Variants in KCND2 observed in about 807,000 individuals in gnomAD.
KCND2 encodes A-type voltage-gated potassium channel KCND2.
In KCND2, 16 loss-of-function variants were observed where a neutral mutation model predicts 54.4. The observed-to-expected ratio is 0.29, with a 90% CI of 0.20 to 0.45. The LOEUF (loss-of-function observed/expected upper bound fraction) is 0.45. KCND2 is among the 20% of genes least tolerant of loss of function. The pLI is 1.00. For synonymous variants in KCND2, 317 were observed against 310.7 expected (o/e 1.02, Z -0.21); for missense variants, 486 against 824.2 (o/e 0.59, Z 5.02).
At chr7:120,388,648 G>C (rs1334543173) in intron 1 of KCND2, among the ~76,000 whole-genome samples, 1 of 151,874 alleles carries the variant, frequency 6.6e-6, no homozygotes, top group Non-Finnish European at 1.5e-5. Flanking sequence ...ACCTCAATGA[G>C]GGTTCTGCAA....
intron 1 of KCND2, among the ~76,000 whole-genome samples, chr7:120,430,591 A>C (rs992737943): frequency 3.9e-5 from 6 of 152,190 alleles, no homozygotes; most frequent in Admixed American, 2.6e-4. Context: ...TCATGTTGAA[A>C]TCAACTTTTA....
At chr7:120,655,639 C>T (rs1244141143) in intron 1 of KCND2, among the ~76,000 whole-genome samples, 1 of 151,998 alleles carries the variant, frequency 6.6e-6, no homozygotes, top group African/African-American at 2.4e-5. Context: ...CAAAAATGTA[C>T]ATAAACCAAG....
chr7:120,467,501 G>T (rs1802388886), intron 1 of KCND2, among the ~76,000 whole-genome samples: 1 of 152,026 alleles, frequency 6.6e-6, no homozygotes, highest in South Asian at 2.1e-4. Context: ...AGCCTCTCAA[G>T]AAAATAAAGT....
chr7:120,686,600 A>G (rs536089223), intron 1 of KCND2, among the ~76,000 whole-genome samples: 12 of 152,250 alleles, frequency 7.9e-5, no homozygotes, highest in Non-Finnish European at 1.5e-4. Flanking sequence ...CGTGGAAGAG[A>G]GCAAAGTGGG....
intron 1 of KCND2, among the ~76,000 whole-genome samples, chr7:120,381,651 C>G (rs912935248): frequency 1.3e-5 from 2 of 151,846 alleles, no homozygotes; most frequent in Non-Finnish European, 1.5e-5. Context: ...GGGGAAGATT[C>G]GATTATCCTC....
chr7:120,500,904 T>G (rs1802922048), intron 1 of KCND2, among the ~76,000 whole-genome samples: 1 of 151,870 alleles, frequency 6.6e-6, no homozygotes, highest in African/African-American at 2.4e-5. Flanking sequence ...AATATTTACT[T>G]TTGATTCACT....
At chr7:120,463,678 A>G (rs1156734600) in intron 1 of KCND2, among the ~76,000 whole-genome samples, 1 of 152,086 alleles carries the variant, frequency 6.6e-6, no homozygotes, top group Admixed American at 6.6e-5. Context: ...GAAAGAAGCA[A>G]AGGAGGCATC....
chr7:120,596,019 G>A (rs1370814283), intron 1 of KCND2, among the ~76,000 whole-genome samples: 1 of 152,048 alleles, frequency 6.6e-6, no homozygotes, highest in Non-Finnish European at 1.5e-5. Context: ...TTGCCGTTTT[G>A]TTAGTGTTAA....
At chr7:120,419,073 T>C (rs1177852412) in intron 1 of KCND2, among the ~76,000 whole-genome samples, 2 of 152,144 alleles carry the variant, frequency 1.3e-5, no homozygotes, top group Non-Finnish European at 2.9e-5. Flanking sequence ...TTAAAATATA[T>C]ATATATAATT....
At chr7:120,613,743 G>T (rs1452315969) in intron 1 of KCND2, among the ~76,000 whole-genome samples, 1 of 152,076 alleles carries the variant, frequency 6.6e-6, no homozygotes, top group African/African-American at 2.4e-5. Flanking sequence ...TCATTTTCAG[G>T]AGTAGTCCTA....
chr7:120,592,592 A>G (rs899670751), intron 1 of KCND2, among the ~76,000 whole-genome samples: 1 of 152,188 alleles, frequency 6.6e-6, no homozygotes, highest in African/African-American at 2.4e-5. Context: ...TAATTATACA[A>G]TATTTGAAAA....
intron 1 of KCND2, among the ~76,000 whole-genome samples, chr7:120,532,934 C>T (rs1337999994): frequency 6.6e-6 from 1 of 151,938 alleles, no homozygotes; most frequent in African/African-American, 2.4e-5. Flanking sequence ...TATGTAAACA[C>T]ACATACTCCC....
chr7:120,610,005 AAG>A (rs1276306141), intron 1 of KCND2, among the ~76,000 whole-genome samples: 1 of 152,154 alleles, frequency 6.6e-6, no homozygotes, highest in Non-Finnish European at 1.5e-5. Context: ...ATAATTTGGA[AAG>A]AGTATAGTAA....
intron 1 of KCND2, among the ~76,000 whole-genome samples, chr7:120,605,471 A>C (rs887571535): frequency 5.3e-5 from 8 of 152,186 alleles, no homozygotes; most frequent in African/African-American, 1.4e-4. Context: ...TTCATTCATC[A>C]GTGTATAGAA....
chr7:120,639,418 A>G (rs1793344303), intron 1 of KCND2, among the ~76,000 whole-genome samples: 1 of 152,150 alleles, frequency 6.6e-6, no homozygotes, highest in Non-Finnish European at 1.5e-5. Flanking sequence ...AAAAGACATG[A>G]GGTTCACAAC....
chr7:120,595,966 C>T (rs1434511463), intron 1 of KCND2, among the ~76,000 whole-genome samples: 3 of 151,872 alleles, frequency 2.0e-5, no homozygotes, highest in African/African-American at 7.3e-5. Context: ...GGAGAAATCT[C>T]TGAGTGGATG....
chr7:120,685,452 A>G (rs1295847909), intron 1 of KCND2, among the ~76,000 whole-genome samples: 2 of 152,140 alleles, frequency 1.3e-5, no homozygotes, highest in Non-Finnish European at 2.9e-5. Context: ...CTGTGGCACT[A>G]ACTAGGAGGT....
At chr7:120,509,561 C>G (rs1199315229) in intron 1 of KCND2, among the ~76,000 whole-genome samples, 1 of 152,056 alleles carries the variant, frequency 6.6e-6, no homozygotes, top group Non-Finnish European at 1.5e-5. Flanking sequence ...TTTCTTACTT[C>G]TTTTGGCAAC....
intron 1 of KCND2, among the ~76,000 whole-genome samples, chr7:120,339,053 AT>A (rs111566147): frequency 0.05 from 7,104 of 140,990 alleles, 177 homozygotes; most frequent in Middle Eastern, 0.084. Context: ...GCTAATTATT[AT>A]TTTTTTTTTT....
Sources: gnomAD v4.1 joint callset for allele counts (sites outside exome capture counted in the v4.1 genomes callset) on GRCh38, gnomAD v4.1.1 for gene constraint, MANE v1.5 for transcripts, NCBI Gene and HGNC (gene_info 2026-07-23, HGNC 2026-07-21) for gene names.